SLC49A4: variants seen among roughly 807,000 people sequenced by gnomAD.
SLC49A4 encodes disrupted in renal cancer protein 2.
Under a neutral mutation model 50.6 loss-of-function variants are expected in SLC49A4, and 36 were observed. That is an observed-to-expected ratio of 0.71 (90% CI 0.55 to 0.94). The LOEUF (loss-of-function observed/expected upper bound fraction) is 0.94, where lower values mean the gene tolerates loss of function less well. Among genes scored for constraint, SLC49A4 ranks in the 40% least tolerant of loss-of-function variants. The pLI, the probability that SLC49A4 is intolerant of heterozygous loss-of-function variation, is 0.00. For missense variants in SLC49A4, 503 were observed against 605.7 expected (o/e 0.83, Z 1.78); for synonymous variants, 248 against 241.2 (o/e 1.03, Z -0.26).
At chr3:122,801,738 G>A (rs1308542610) in intron 1 of SLC49A4, among the ~76,000 whole-genome samples, 1 of 152,184 alleles carries the variant, frequency 6.6e-6, no homozygotes, top group East Asian at 1.9e-4. Context: ...TGAGAGACCA[G>A]CATACTGAAA....
intron 1 of SLC49A4, among the ~76,000 whole-genome samples, chr3:122,799,609 T>G (rs1576288510): frequency 6.6e-6 from 1 of 152,294 alleles, no homozygotes. Context: ...CTCACTCCAT[T>G]GACGGGCTTT....
chr3:122,808,830 T>C (rs936696404), intron 2 of SLC49A4, among the ~76,000 whole-genome samples: 2 of 152,220 alleles, frequency 1.3e-5, no homozygotes, highest in Non-Finnish European at 2.9e-5. Context: ...GGTCAAATTC[T>C]GATCATCTTG....
rs2107557077 is a variant in SLC49A4 at position 122,806,951 on chromosome 3, G to GTAAA, written c.437+3_437+6dup. 2 of 1,510,560 alleles carry GTAAA rather than the reference G, an allele frequency of 1.3e-6. No individual in the cohort carries two copies. Among genetic ancestry groups the GTAAA allele is most frequent in the Non-Finnish European group, 1.8e-6 (2 of 1,094,016 alleles). 93.6% of individuals were successfully genotyped at this position (1,510,560 alleles called of 1,614,324 possible). A position where few individuals can be genotyped will look rare whatever the true frequency, so the allele number is the denominator to read the frequency against. ...TATCAGACTTAATCCTTAAAAGAAG[G>GTAAA]TAAATCCTGTAAATAACATTTCTCC... On this transcript the variant is annotated splice_donor_variant, in intron 2 of 8. Transcript: ENST00000261038. LOFTEE classifies it high-confidence loss of function.
At chr3:122,816,997 T>A (rs975748368) in intron 2 of SLC49A4, among the ~76,000 whole-genome samples, 4 of 152,186 alleles carry the variant, frequency 2.6e-5, no homozygotes, top group African/African-American at 7.2e-5. Flanking sequence ...TAATAGTTAA[T>A]CATCTCTACC....
At chr3:122,831,078 A>T (rs764989228) in intron 3 of SLC49A4, among the ~76,000 whole-genome samples, 5 of 152,094 alleles carry the variant, frequency 3.3e-5, no homozygotes, top group Non-Finnish European at 7.4e-5. Flanking sequence ...GGTAAGATAC[A>T]CTTCACACCC....
intron 1 of SLC49A4, among the ~76,000 whole-genome samples, chr3:122,800,198 C>T (rs996122371): frequency 1.3e-5 from 2 of 152,172 alleles, no homozygotes; most frequent in Non-Finnish European, 2.9e-5. Context: ...AAGGGTGGAG[C>T]TTCCCTGGAG....
At position 122,832,378 on chromosome 3, in the gene SLC49A4, G is replaced by A. The variant is rs981922561; in HGVS notation, c.704-939G>A. ...GCTAGAACCTTCCCTTCTATAATGG[G>A]GACAAATTAAGATTGTTTGGGTATT... On this transcript the variant is annotated intron_variant, in intron 3 of 8. Coordinates refer to ENST00000261038, the MANE Select transcript of SLC49A4 (RefSeq NM_032839.3). Among the ~76,000 whole-genome samples, 13 of 152,114 alleles carry A rather than the reference G, an allele frequency of 8.5e-5. 1 individual carries two copies. Among genetic ancestry groups the A allele is most frequent in the Non-Finnish European group, 2.9e-5 (2 of 68,000 alleles).
chr3:122,833,004 T>C (rs1400369691), intron 3 of SLC49A4, among the ~76,000 whole-genome samples: 1 of 152,076 alleles, frequency 6.6e-6, no homozygotes, highest in East Asian at 1.9e-4. Context: ...GGCAGGAGAA[T>C]GGCTTGAACA....
At chr3:122,834,704 A>G (rs979157642) in intron 4 of SLC49A4, among the ~76,000 whole-genome samples, 1 of 152,148 alleles carries the variant, frequency 6.6e-6, no homozygotes, top group African/African-American at 2.4e-5. Flanking sequence ...AAAAGAAAAA[A>G]CAAAGATCAG....
At chr3:122,873,892 C>A (rs760875844) in intron 8 of SLC49A4, among the ~76,000 whole-genome samples, 1 of 152,210 alleles carries the variant, frequency 6.6e-6, no homozygotes, top group Non-Finnish European at 1.5e-5. Context: ...TATTGCCTGT[C>A]TGCCTGGTAA....
chr3:122,823,207 TC>T (rs1318902517), intron 2 of SLC49A4, among the ~76,000 whole-genome samples: 1 of 152,228 alleles, frequency 6.6e-6, no homozygotes. Flanking sequence ...GGCCTGCTCT[TC>T]CAAGAGTAGG....
intron 8 of SLC49A4, among the ~76,000 whole-genome samples, chr3:122,876,317 G>T (rs1335895318): frequency 6.6e-6 from 1 of 152,192 alleles, no homozygotes; most frequent in Non-Finnish European, 1.5e-5. Flanking sequence ...AAAGCATCAT[G>T]ATTTTTATCT....
At chr3:122,829,674 T>C (rs922641584) in intron 3 of SLC49A4, among the ~76,000 whole-genome samples, 1 of 152,140 alleles carries the variant, frequency 6.6e-6, no homozygotes, top group Non-Finnish European at 1.5e-5. Flanking sequence ...CGTTTGAGCC[T>C]GGGAGGCAGA....
chr3:122,810,269 G>A (rs1004047183), intron 2 of SLC49A4, among the ~76,000 whole-genome samples: 1 of 152,110 alleles, frequency 6.6e-6, no homozygotes, highest in Non-Finnish European at 1.5e-5. Context: ...TATTTGCATA[G>A]TACTGATGAA....
chr3:122,799,743 G>A (rs1175485058), intron 1 of SLC49A4, among the ~76,000 whole-genome samples: 1 of 152,208 alleles, frequency 6.6e-6, no homozygotes, highest in African/African-American at 2.4e-5. Context: ...TAAGGTGATA[G>A]TAGTGGAGGA....
chr3:122,835,947 C>T (rs1936678302), intron 4 of SLC49A4, among the ~76,000 whole-genome samples: 1 of 151,978 alleles, frequency 6.6e-6, no homozygotes, highest in Non-Finnish European at 1.5e-5. Flanking sequence ...AGTAGCACTG[C>T]TCTACACCAA....
At chr3:122,804,608 C>A (rs1936183567) in intron 1 of SLC49A4, among the ~76,000 whole-genome samples, 1 of 152,160 alleles carries the variant, frequency 6.6e-6, no homozygotes, top group South Asian at 2.1e-4. Flanking sequence ...TAAAAATACA[C>A]AAGAAAGCCA....
chr3:122,839,653 A>G (rs1339237794), intron 4 of SLC49A4, among the ~76,000 whole-genome samples: 1 of 152,172 alleles, frequency 6.6e-6, no homozygotes, highest in Non-Finnish European at 1.5e-5. Context: ...AACATCACTA[A>G]TCATCAGGGA....
At chr3:122,845,100 G>A (rs1936829862) in intron 4 of SLC49A4, among the ~76,000 whole-genome samples, 1 of 151,972 alleles carries the variant, frequency 6.6e-6, no homozygotes, top group African/African-American at 2.4e-5. Flanking sequence ...TAGTTTTTCT[G>A]TCCTCACCCT....
Sources: allele counts gnomAD v4.1 joint callset (sites outside exome capture counted in the v4.1 genomes callset), GRCh38; gene constraint gnomAD v4.1.1; transcripts MANE v1.5; gene names NCBI Gene and HGNC (gene_info 2026-07-23, HGNC 2026-07-21).